Variants in SLC6A6 observed in about 807,000 individuals in gnomAD.
SLC6A6 encodes the protein sodium- and chloride-dependent taurine transporter.
Under a neutral mutation model 68.8 loss-of-function variants are expected in SLC6A6, and 16 were observed. The observed-to-expected ratio is 0.23, with a 90% confidence interval of 0.16 to 0.35. The LOEUF is 0.35. Ranked by LOEUF, SLC6A6 falls within the 10% of genes least tolerant of loss-of-function variation. The pLI, the probability that SLC6A6 is intolerant of heterozygous loss-of-function variation, is 1.00. For missense variants in SLC6A6, 474 were observed against 802.8 expected, an observed-to-expected ratio of 0.59 and a Z score of 4.95; for synonymous variants, 312 against 315.4, an observed-to-expected ratio of 0.99 and a Z score of 0.12.
chr3:14,443,504 C>T, intron 2 of SLC6A6, 120 bp from the exon 3 acceptor site: 4 of 676,690 alleles, frequency 5.9e-6, no homozygotes, highest in Non-Finnish European at 1.0e-5. Context: ...GATGCCAGGC[C>T]CCTTGCCACA....
Position 14,417,597 on chromosome 3 carries a change from T to C in SLC6A6, c.-12+1144T>C, listed in dbSNP as rs532796732. Among the ~76,000 whole-genome samples the C allele has an allele frequency of 2.6e-5, 4 of 152,246 alleles. No homozygotes were observed. In the East Asian group the frequency reaches 7.7e-4, roughly 29 times the overall value. On this transcript the variant is annotated intron_variant, in intron 2 of 14. Coordinates refer to ENST00000622186, the MANE Select transcript of SLC6A6 (RefSeq NM_003043.6). ...AACACAAAAAATTAGCCAGACGTGGTGGCGGGCGCCTGTAGTTCCAGCTAC... is the reference window on the plus strand; with the variant it reads ...AACACAAAAAATTAGCCAGACGTGGCGGCGGGCGCCTGTAGTTCCAGCTAC...
In SLC6A6 at chr3:14,468,768, G is replaced by A. The variant is rs546855995; in HGVS notation, c.1096+556G>A. Among the ~76,000 whole-genome samples the A allele has an allele frequency of 7.9e-5, 12 of 152,332 alleles. No homozygotes were observed. The highest frequency in any genetic ancestry group is 2.4e-4 in the African/African-American group (10 of 41,556). ...AGATGAGGGGACGACCTACTGGGAC[G>A]GTGGCAGATCCAACTGGGGGTGGGT... On this transcript the variant is annotated intron_variant, in intron 9 of 14. Transcript: ENST00000622186. The surrounding 1 kb of genome is among the most constrained non-coding windows in gnomAD (Gnocchi z 4.5).
At chr3:14,462,132 CT>C in intron 6 of SLC6A6, among the ~76,000 whole-genome samples, 1 of 152,346 alleles carries the variant, frequency 6.6e-6, no homozygotes, top group Admixed American at 6.5e-5. Context: ...CTGGCAGCAG[CT>C]AGCACCAGCC....
intron 6 of SLC6A6, among the ~76,000 whole-genome samples, chr3:14,461,551 G>A (rs558410867): frequency 2.0e-5 from 3 of 152,360 alleles, no homozygotes; most frequent in Admixed American, 2.0e-4. Context: ...AGACGCACAG[G>A]GGAGGAGGCC....
chr3:14,463,645 G>A (rs1178386997), intron 6 of SLC6A6, among the ~76,000 whole-genome samples: 1 of 152,274 alleles, frequency 6.6e-6, no homozygotes, highest in African/African-American at 2.4e-5. Context: ...CTCAGGAAGG[G>A]AGAGGCAGGT....
intron 2 of SLC6A6, among the ~76,000 whole-genome samples, chr3:14,417,774 C>A (rs993982247): frequency 6.6e-6 from 1 of 151,512 alleles, no homozygotes; most frequent in Non-Finnish European, 1.5e-5. Context: ...TCTTATATAA[C>A]CCTAGCACAG....
Position 14,472,042 on chromosome 3 carries a change from C to A in SLC6A6, c.1097-163C>A, listed in dbSNP as rs527581098. 1.3e-5 allele frequency among the ~76,000 whole-genome samples: 2 copies of A among 152,222 alleles called. No homozygotes were observed. Among genetic ancestry groups the A allele is most frequent in the African/African-American group, 4.8e-5 (2 of 41,542 alleles). On this transcript the variant is annotated intron_variant, in intron 9 of 14. Coordinates refer to ENST00000622186, the MANE Select transcript of SLC6A6 (RefSeq NM_003043.6). This position sits in a 1 kb window ranked among gnomAD's most constrained non-coding sequence, Gnocchi z 4.5. ...CCCTCCTGAGCCCCAGCGTGTCCCA[C>A]CCAAAGGCGAGACAGGCCTGGTCTC...
chr3:14,448,591 T>C (rs1700185692), intron 5 of SLC6A6, among the ~76,000 whole-genome samples: 1 of 152,206 alleles, frequency 6.6e-6, no homozygotes, highest in African/African-American at 2.4e-5. Flanking sequence ...CAAGCCTCTG[T>C]CTGTATCATT....
intron 6 of SLC6A6, among the ~76,000 whole-genome samples, chr3:14,459,378 A>G (rs1019740254): frequency 5.3e-5 from 8 of 152,202 alleles, no homozygotes; most frequent in Non-Finnish European, 8.8e-5. Context: ...TAGAGATCCA[A>G]GTAATTATTC....
intron 10 of SLC6A6, among the ~76,000 whole-genome samples, chr3:14,473,436 G>T (rs6773086): frequency 6.6e-6 from 1 of 152,224 alleles, no homozygotes; most frequent in African/African-American, 2.4e-5. Context: ...CTGAGAGGTT[G>T]GAGCTTGCAG....
intron 1 of SLC6A6, among the ~76,000 whole-genome samples, chr3:14,408,876 A>G (rs979500159): frequency 5.9e-5 from 9 of 151,602 alleles, no homozygotes; most frequent in East Asian, 2.0e-4. Flanking sequence ...GCGTGATCTC[A>G]GCTCACTGCA....
At chr3:14,469,445 T>A (rs1441253270) in intron 9 of SLC6A6, among the ~76,000 whole-genome samples, 2 of 152,212 alleles carry the variant, frequency 1.3e-5, no homozygotes, top group Non-Finnish European at 2.9e-5. Flanking sequence ...TCCCAGTCCC[T>A]GAGTCCTAGA....
At position 14,485,015 on chromosome 3, in the gene SLC6A6, C is replaced by T. The variant is rs755336482; in HGVS notation, c.*8C>T. The T allele has an allele frequency of 6.3e-6, 10 of 1,598,404 alleles. No individual in the cohort carries two copies. The highest frequency in any genetic ancestry group is 2.2e-5 in the South Asian group (2 of 90,350). The stretch of plus-strand genomic sequence containing the variant: ...GTGGAGACCATGATGTGAGCTCTCT[C>T]GGGTCGACGGGGCCGGCGGCTTTCC... On this transcript the variant is annotated 3_prime_UTR_variant, in exon 15 of 15. Transcript: ENST00000622186.
chr3:14,412,630 C>T (rs1402638060), intron 1 of SLC6A6, among the ~76,000 whole-genome samples: 4 of 152,188 alleles, frequency 2.6e-5, no homozygotes, highest in African/African-American at 4.8e-5. Flanking sequence ...CACCGCACTC[C>T]AGCCTGGGTG....
intron 3 of SLC6A6, 64 bp from the exon 4 acceptor site, chr3:14,445,653 G>C: frequency 6.3e-7 from 1 of 1,595,054 alleles, no homozygotes; most frequent in Non-Finnish European, 8.6e-7. Flanking sequence ...GGAGGGCTTG[G>C]GAGCCTTCTG....
intron 14 of SLC6A6, among the ~76,000 whole-genome samples, chr3:14,482,232 G>A (rs908859367): frequency 9.2e-5 from 14 of 152,340 alleles, no homozygotes; most frequent in African/African-American, 2.4e-4. Flanking sequence ...TGTTCCTGAA[G>A]CGGTGGGACA....
At chr3:14,466,692 G>A (rs922672951) in intron 7 of SLC6A6, 42 bp downstream of exon 7, 1 of 1,574,432 alleles carries the variant, frequency 6.4e-7, no homozygotes, top group Admixed American at 1.8e-5. Context: ...TCCCATCCAG[G>A]GCTGGGCCGG....
rs114915031 is a variant in SLC6A6 at position 14,479,330 on chromosome 3, G to A, written c.1551+145G>A. The A allele has an allele frequency of 2.0e-3, 1,273 of 628,076 alleles. 14 individuals are homozygous for A. The African/African-American group carries it at 0.021, about 10-fold the overall frequency. The allele number at this position is 628,076 out of a possible 1,614,324, so 38.9% of individuals were successfully genotyped here. ...TTCAGCGCTGCCTGGGAGAGGGGAG[G>A]AAGGCTGCTCCAGGGAGTTAGCTTG... On this transcript the variant is annotated intron_variant, in intron 13 of 14. Coordinates refer to ENST00000622186, the MANE Select transcript of SLC6A6 (RefSeq NM_003043.6).
chr3:14,446,619 GA>G (rs56291716), intron 4 of SLC6A6, among the ~76,000 whole-genome samples: 39,042 of 152,094 alleles, frequency 0.26, 6,232 homozygotes, highest in East Asian at 0.45. Context: ...TCAGGTTCAG[GA>G]GGCTTTCTGT....
Sources: gnomAD v4.1 joint callset for allele counts (sites outside exome capture counted in the v4.1 genomes callset) on GRCh38, gnomAD v4.1.1 for gene constraint, Gnocchi (gnomAD v3.1) non-coding constraint, MANE v1.5 for transcripts, NCBI Gene and HGNC (gene_info 2026-07-23, HGNC 2026-07-21) for gene names.